GRIK1: variants seen among roughly 807,000 people sequenced by gnomAD.
The protein encoded by GRIK1 is glutamate receptor ionotropic, kainate 1.
Under a neutral mutation model 105.7 loss-of-function variants are expected in GRIK1, and 69 were observed. The observed-to-expected ratio is 0.65, with a 90% CI of 0.54 to 0.80. GRIK1 has a LOEUF of 0.80. Ranked by LOEUF, GRIK1 falls within the 30% of genes least tolerant of loss-of-function variation. The pLI, the probability that GRIK1 is intolerant of heterozygous loss-of-function variation, is 0.00. For synonymous variants in GRIK1, 438 were observed against 431.3 expected, an observed-to-expected ratio of 1.02 and a Z score of -0.19; for missense variants, 1,109 against 1,167.3, an observed-to-expected ratio of 0.95 and a Z score of 0.73.
At chr21:29,767,880 G>GTC (rs1344452027) in intron 1 of GRIK1, among the ~76,000 whole-genome samples, 1 of 150,920 alleles carries the variant, frequency 6.6e-6, no homozygotes, top group African/African-American at 2.4e-5. Context: ...GTGTGTGTGT[G>GTC]TGTGTGTGTG....
intron 1 of GRIK1, among the ~76,000 whole-genome samples, chr21:29,899,696 C>T (rs1000564723): frequency 2.6e-5 from 4 of 151,884 alleles, no homozygotes; most frequent in African/African-American, 9.7e-5. Context: ...TTTCAGGTGA[C>T]CAGAGGGAGG....
intron 1 of GRIK1, among the ~76,000 whole-genome samples, chr21:29,936,186 C>T (rs2071747588): frequency 6.6e-6 from 1 of 152,202 alleles, no homozygotes; most frequent in Admixed American, 6.5e-5. Context: ...GAAAGCCTGG[C>T]TGCCCACTGC....
intron 1 of GRIK1, among the ~76,000 whole-genome samples, chr21:29,926,337 CT>C (rs1246974539): frequency 2.0e-5 from 3 of 152,164 alleles, no homozygotes; most frequent in Non-Finnish European, 4.4e-5. Flanking sequence ...TAGTCCAGTG[CT>C]TTTTGTACTC....
intron 1 of GRIK1, among the ~76,000 whole-genome samples, chr21:29,850,615 T>C (rs1490824840): frequency 6.6e-6 from 1 of 152,222 alleles, no homozygotes; most frequent in African/African-American, 2.4e-5. Flanking sequence ...TTGGAGTCCT[T>C]GTTTAGTGCT....
intron 1 of GRIK1, among the ~76,000 whole-genome samples, chr21:29,714,781 C>T (rs910185145): frequency 2.6e-5 from 4 of 151,890 alleles, no homozygotes; most frequent in Non-Finnish European, 5.9e-5. Context: ...TCTAATTTCC[C>T]TTGAGATTCT....
intron 16 of GRIK1, among the ~76,000 whole-genome samples, chr21:29,538,089 T>TA: frequency 6.6e-6 from 1 of 152,200 alleles, no homozygotes; most frequent in East Asian, 1.9e-4. Context: ...ACAGACAATA[T>TA]ATATAATCTG....
chr21:29,758,921 A>T (rs996876256), intron 1 of GRIK1: 1 of 153,330 alleles, frequency 6.5e-6, no homozygotes, highest in Non-Finnish European at 1.5e-5. Flanking sequence ...GCTCAGAGAA[A>T]CAACCAGGAC....
intron 1 of GRIK1, among the ~76,000 whole-genome samples, chr21:29,858,615 C>A (rs1353777966): frequency 6.6e-6 from 1 of 152,112 alleles, no homozygotes; most frequent in African/African-American, 2.4e-5. Flanking sequence ...CCTTTTACAA[C>A]AATTGCATGA....
Position 29,689,598 on chromosome 21 carries a change from A to C in GRIK1, c.544+130T>G. The stretch of plus-strand genomic sequence containing the variant: ...CACATGCATTATTAAATTACTTCAG[A>C]ATATTCAGTTAGCTTTATATAAAAG... On this transcript the variant is annotated intron_variant, in intron 3 of 17. Coordinates refer to ENST00000327783, the MANE Select transcript of GRIK1 (RefSeq NM_001330994.2). 3 of 758,190 alleles carry C rather than the reference A, an allele frequency of 4.0e-6. No homozygotes were observed. The South Asian group carries it at 5.0e-5, about 13-fold the overall frequency. 47.0% of individuals were successfully genotyped at this position (758,190 alleles called of 1,614,324 possible).
At chr21:29,658,542 G>A (rs113552718) in intron 4 of GRIK1, among the ~76,000 whole-genome samples, 1,619 of 152,318 alleles carry the variant, frequency 0.011, 32 homozygotes, top group African/African-American at 0.037. Context: ...GATCACAGGC[G>A]TGAGCCACTG....
chr21:29,908,021 A>T (rs914159931), intron 1 of GRIK1, among the ~76,000 whole-genome samples: 1 of 152,258 alleles, frequency 6.6e-6, no homozygotes, highest in African/African-American at 2.4e-5. Flanking sequence ...AACAAGTTCA[A>T]GCAAGTGGTC....
chr21:29,729,800 G>C (rs1308777518), intron 1 of GRIK1, among the ~76,000 whole-genome samples: 4 of 152,156 alleles, frequency 2.6e-5, no homozygotes, highest in African/African-American at 7.2e-5. Context: ...GGGTGGATCT[G>C]TATATTTTGA....
At chr21:29,684,261 T>C (rs980317551) in intron 3 of GRIK1, among the ~76,000 whole-genome samples, 2 of 108,188 alleles carry the variant, frequency 1.8e-5, no homozygotes, top group African/African-American at 6.6e-5. Context: ...TCTCTATCTA[T>C]CTATCTATCT....
chr21:29,665,152 C>A (rs1427526179), intron 4 of GRIK1, among the ~76,000 whole-genome samples: 1 of 152,138 alleles, frequency 6.6e-6, no homozygotes, highest in Non-Finnish European at 1.5e-5. Flanking sequence ...TAAGTCCTTT[C>A]TTAAACTGAC....
chr21:29,927,105 C>T lies in GRIK1; in HGVS notation c.118+12278G>A, dbSNP rs77021341. Among the ~76,000 whole-genome samples the T allele has an allele frequency of 2.9e-3, 447 of 152,168 alleles. 5 individuals are homozygous for T. The highest frequency in any genetic ancestry group is 0.01 in the African/African-American group (430 of 41,480). ...GGTCTGTGTGGGCCTGATGCCTCCC[C>T]GCTCCACACCACCAGCACTCACAGA... is the stretch of plus-strand genomic sequence containing the variant. On this transcript the variant is annotated intron_variant, in intron 1 of 17. Transcript: ENST00000327783.
intron 1 of GRIK1, among the ~76,000 whole-genome samples, chr21:29,859,090 T>A (rs1028688504): frequency 2.0e-5 from 3 of 151,672 alleles, no homozygotes; most frequent in Admixed American, 6.6e-5. Context: ...GAAACCATCA[T>A]TCTCAGCAAA....
rs187707472 is a variant in GRIK1 at position 29,665,071 on chromosome 21, A to G, written c.726+7912T>C. Among the ~76,000 whole-genome samples the G allele has an allele frequency of 2.2e-3, 335 of 152,314 alleles. 3 individuals are homozygous for G. Among genetic ancestry groups the G allele is most frequent in the African/African-American group, 7.7e-3 (322 of 41,582 alleles). Reference sequence around the variant, plus strand: ...TCAAAAGTTGATATAACCGGGATTAAGCATTAGAGCATTTTTGAAGCATAT... The same window carrying G: ...TCAAAAGTTGATATAACCGGGATTAGGCATTAGAGCATTTTTGAAGCATAT... On this transcript the variant is annotated intron_variant, in intron 4 of 17. Coordinates refer to ENST00000327783, the MANE Select transcript of GRIK1 (RefSeq NM_001330994.2).
intron 5 of GRIK1, among the ~76,000 whole-genome samples, chr21:29,652,150 G>A (rs977620702): frequency 2.0e-5 from 3 of 152,020 alleles, no homozygotes; most frequent in Non-Finnish European, 2.9e-5. Context: ...TTTCCATTTG[G>A]TTCAATGCTT....
chr21:29,583,308 C>T (rs899035312), intron 12 of GRIK1, among the ~76,000 whole-genome samples: 2 of 152,032 alleles, frequency 1.3e-5, no homozygotes, highest in Non-Finnish European at 2.9e-5. Flanking sequence ...GAAATGAATA[C>T]CAATATTAAT....
Sources: gnomAD v4.1 joint callset for allele counts (sites outside exome capture counted in the v4.1 genomes callset) on GRCh38, gnomAD v4.1.1 for gene constraint, MANE v1.5 for transcripts, NCBI Gene and HGNC (gene_info 2026-07-23, HGNC 2026-07-21) for gene names.